SUPT3H: variants seen among roughly 807,000 people sequenced by gnomAD.
SUPT3H encodes the protein transcription initiation protein SPT3 homolog.
Under a neutral mutation model 44.3 loss-of-function variants are expected in SUPT3H, and 44 were observed. That is an observed-to-expected ratio of 0.99 (90% CI 0.78 to 1.28). SUPT3H has a LOEUF of 1.28. Ranked by LOEUF, SUPT3H falls within the 50% of genes most tolerant of loss-of-function variation. The probability of loss-of-function intolerance (pLI) is 0.00; values close to 1 mark genes in which losing one functional copy is unlikely to be tolerated. For synonymous variants in SUPT3H, 124 were observed against 125.6 expected (o/e 0.99, Z 0.09); for missense variants, 380 against 387.1 (o/e 0.98, Z 0.15).
At chr6:44,814,940 G>C (rs1766808703) in intron 11 of SUPT3H, among the ~76,000 whole-genome samples, 1 of 152,082 alleles carries the variant, frequency 6.6e-6, no homozygotes, top group Admixed American at 6.5e-5. Context: ...GCCTCCCAAA[G>C]TGCTGGGATT....
intron 6 of SUPT3H, among the ~76,000 whole-genome samples, chr6:44,989,691 C>T (rs1780334237): frequency 6.6e-6 from 1 of 152,082 alleles, no homozygotes; most frequent in Non-Finnish European, 1.5e-5. Flanking sequence ...AAAGGCCATC[C>T]TAATAGGTGT....
rs189415139 is a variant in SUPT3H at position 45,317,256 on chromosome 6, T to C, written c.101+47945A>G. Among the ~76,000 whole-genome samples the C allele has an allele frequency of 2.6e-3, 260 of 99,870 alleles. 2 individuals carry two copies. The highest frequency in any genetic ancestry group is 2.7e-3 in the Non-Finnish European group (122 of 45,816). 65.5% of individuals were successfully genotyped at this position (99,870 alleles called of 152,430 possible). On this transcript the variant is annotated intron_variant, in intron 2 of 10. Transcript: ENST00000371459. ...AAAAAAAAAAAAAAAAAAAAAAGAA[T>C]ATTGTCAAAATGTCCAGACTACCCA... is the stretch of plus-strand genomic sequence containing the variant.
intron 1 of SUPT3H, among the ~76,000 whole-genome samples, chr6:45,374,069 C>G (rs2150321023): frequency 6.6e-6 from 1 of 152,196 alleles, no homozygotes; most frequent in East Asian, 1.9e-4. Flanking sequence ...TTGATGCCAC[C>G]AACAGTCCTA....
chr6:44,943,637 A>T (rs1304430682), intron 9 of SUPT3H, among the ~76,000 whole-genome samples: 4 of 152,154 alleles, frequency 2.6e-5, no homozygotes, highest in African/African-American at 9.7e-5. Flanking sequence ...TACAATTCTG[A>T]AAGCATCCAG....
At chr6:44,826,405 T>C (rs1463013325), downstream of SUPT3H, among the ~76,000 whole-genome samples, 1 of 152,230 alleles carries the variant, frequency 6.6e-6, no homozygotes, top group Non-Finnish European at 1.5e-5. Context: ...CTCTTTGTAG[T>C]GGCCACTGCT....
At chr6:45,077,976 G>A (rs769540896) in intron 3 of SUPT3H, among the ~76,000 whole-genome samples, 1 of 152,060 alleles carries the variant, frequency 6.6e-6, no homozygotes, top group Non-Finnish European at 1.5e-5. Flanking sequence ...GGACTGGTTG[G>A]GGGGGTGGGG....
intron 1 of SUPT3H, among the ~76,000 whole-genome samples, chr6:45,377,089 A>C (rs1335096440): frequency 1.4e-5 from 2 of 142,816 alleles, no homozygotes; most frequent in Non-Finnish European, 3.2e-5. Context: ...TGATTCTCTG[A>C]GAAAATAAGG....
chr6:44,924,101 G>T (rs901663666), intron 10 of SUPT3H, among the ~76,000 whole-genome samples: 1 of 152,046 alleles, frequency 6.6e-6, no homozygotes, highest in African/African-American at 2.4e-5. Flanking sequence ...GAAGAATTAT[G>T]CTGGATAAGA....
At chr6:45,043,182 A>ACACACACACAC (rs1562325647) in intron 3 of SUPT3H, among the ~76,000 whole-genome samples, 6 of 114,824 alleles carry the variant, frequency 5.2e-5, no homozygotes, top group African/African-American at 2.0e-4. Context: ...CACACACACA[A>ACACACACACAC]ACACCAAAAC....
At chr6:45,256,244 A>G (rs1392412828) in intron 2 of SUPT3H, among the ~76,000 whole-genome samples, 1 of 152,212 alleles carries the variant, frequency 6.6e-6, no homozygotes, top group Non-Finnish European at 1.5e-5. Context: ...AGCCTGCTAT[A>G]GCAAAATGCC....
At chr6:44,909,900 T>C (rs554557838) in intron 10 of SUPT3H, among the ~76,000 whole-genome samples, 8 of 152,316 alleles carry the variant, frequency 5.3e-5, no homozygotes, top group East Asian at 1.9e-4. Flanking sequence ...ACAATAATAC[T>C]GGCATGAATA....
chr6:44,901,594 A>C (rs1399564861), intron 10 of SUPT3H, among the ~76,000 whole-genome samples: 1 of 151,876 alleles, frequency 6.6e-6, no homozygotes, highest in Non-Finnish European at 1.5e-5. Flanking sequence ...GTTGGAAAAC[A>C]CTCTGCAGGA....
chr6:44,934,259 G>A (rs1174137834), intron 9 of SUPT3H, among the ~76,000 whole-genome samples: 1 of 152,048 alleles, frequency 6.6e-6, no homozygotes, highest in African/African-American at 2.4e-5. Flanking sequence ...CTTTTACTCA[G>A]CAATTTCACC....
chr6:45,131,072 G>C (rs1057424433), intron 2 of SUPT3H, among the ~76,000 whole-genome samples: 4 of 152,040 alleles, frequency 2.6e-5, no homozygotes, highest in Non-Finnish European at 5.9e-5. Flanking sequence ...AGGATCTGAG[G>C]TATCTTCTCT....
chr6:45,169,623 A>AT (rs1157843857), intron 2 of SUPT3H, among the ~76,000 whole-genome samples: 2 of 152,218 alleles, frequency 1.3e-5, no homozygotes, highest in African/African-American at 4.8e-5. Flanking sequence ...TTTTAAAAGC[A>AT]TTTTGTATAA....
intron 10 of SUPT3H, among the ~76,000 whole-genome samples, chr6:44,878,795 C>T (rs928322097): frequency 2.6e-5 from 4 of 152,044 alleles, no homozygotes; most frequent in African/African-American, 9.7e-5. Flanking sequence ...CAGGGTGGGG[C>T]GTTCCCTCAC....
chr6:45,146,239 C>A, intron 2 of SUPT3H, among the ~76,000 whole-genome samples: 1 of 152,048 alleles, frequency 6.6e-6, no homozygotes, highest in African/African-American at 2.4e-5. Flanking sequence ...CAGCACGATT[C>A]GCAACTGCAA....
intron 10 of SUPT3H, among the ~76,000 whole-genome samples, chr6:44,906,233 TA>T (rs1766048683): frequency 6.6e-6 from 1 of 152,200 alleles, no homozygotes; most frequent in South Asian, 2.1e-4. Flanking sequence ...TTATGCTTTT[TA>T]CTCGAGTGTT....
At chr6:45,054,716 G>A (rs901753325) in intron 3 of SUPT3H, among the ~76,000 whole-genome samples, 4 of 152,090 alleles carry the variant, frequency 2.6e-5, no homozygotes, top group African/African-American at 9.7e-5. Context: ...CAGGTTACAT[G>A]CATGCTTAGG....
Sources: allele counts gnomAD v4.1 joint callset (sites outside exome capture counted in the v4.1 genomes callset), GRCh38; gene constraint gnomAD v4.1.1; transcripts MANE v1.5; gene names NCBI Gene and HGNC (gene_info 2026-07-23, HGNC 2026-07-21).